Variants in DNAH11 observed in about 807,000 individuals in gnomAD.
DNAH11 encodes dynein axonemal heavy chain 11.
In DNAH11, 442 loss-of-function variants were observed where a neutral mutation model predicts 526.0. The observed-to-expected ratio is 0.84, with a 90% CI of 0.78 to 0.91. The LOEUF (loss-of-function observed/expected upper bound fraction) is 0.91, where lower values mean the gene tolerates loss of function less well. Ranked by LOEUF, DNAH11 falls within the 40% of genes least tolerant of loss-of-function variation. The pLI is 0.00. For missense variants in DNAH11, 6,989 were observed against 5,448.7 expected, an observed-to-expected ratio of 1.28 and a Z score of -8.90; for synonymous variants, 2,461 against 1,935.9, an observed-to-expected ratio of 1.27 and a Z score of -7.12.
intron 73 of DNAH11, among the ~76,000 whole-genome samples, chr7:21,872,232 G>A (rs1380107170): frequency 6.6e-6 from 1 of 151,338 alleles, no homozygotes; most frequent in African/African-American, 2.4e-5. Context: ...GATGCTGGGG[G>A]TTAAGACTTC....
chr7:21,898,915 C>T (rs1050816908), intron 79 of DNAH11, among the ~76,000 whole-genome samples: 4 of 152,318 alleles, frequency 2.6e-5, no homozygotes, highest in Middle Eastern at 3.4e-3. Context: ...TCAGATTTCC[C>T]GGCAACTCTG....
intron 73 of DNAH11, among the ~76,000 whole-genome samples, chr7:21,871,060 A>G (rs566024767): frequency 1.2e-4 from 18 of 152,246 alleles, no homozygotes; most frequent in African/African-American, 4.1e-4. Context: ...TATGATATGT[A>G]TGTACATGTT....
At chr7:21,681,864 A>T in intron 31 of DNAH11, 187 bp downstream of exon 31, 1 of 751,078 alleles carries the variant, frequency 1.3e-6, no homozygotes, top group South Asian at 1.5e-5. Context: ...GATGAGACCT[A>T]TTCCAAGTGA....
intron 66 of DNAH11, among the ~76,000 whole-genome samples, chr7:21,845,526 T>C (rs376312147): frequency 6.6e-6 from 1 of 152,222 alleles, no homozygotes; most frequent in African/African-American, 2.4e-5. Context: ...ATATTTCATA[T>C]GAATAGATCA....
intron 7 of DNAH11, chr7:21,570,586 A>G: frequency 4.3e-6 from 1 of 233,712 alleles, no homozygotes; most frequent in Non-Finnish European, 8.2e-6. Context: ...TCTGAGAGAG[A>G]GTTGTAAGTC....
intron 54 of DNAH11, among the ~76,000 whole-genome samples, chr7:21,753,666 G>C (rs562619585): frequency 1.3e-5 from 2 of 152,038 alleles, no homozygotes; most frequent in East Asian, 1.9e-4. Flanking sequence ...TAAATTCTCT[G>C]TTCTCTTTTC....
Position 21,639,046 on chromosome 7 carries a change from A to G in DNAH11, c.4925A>G (p.Lys1642Arg). 1 of 1,613,444 alleles carries G rather than the reference A, an allele frequency of 6.2e-7. No homozygotes were observed. The highest frequency in any genetic ancestry group is 1.1e-5 in the South Asian group (1 of 90,926). The change falls in exon 28 of 82, where the codon AAA (lysine) becomes AGA (arginine). Residue 1642 changes from lysine to arginine, a missense_variant. Coordinates refer to ENST00000409508, the MANE Select transcript of DNAH11 (RefSeq NM_001277115.2). Reference sequence around the variant, plus strand: ...GCTGATTTACTTGACATTCTCTCAAAAGGAGCTCAGCCTAAACAGGTAATA... The same window carrying G: ...GCTGATTTACTTGACATTCTCTCAAGAGGAGCTCAGCCTAAACAGGTAATA... Reference protein sequence around the residue: ...SSADLLDILSKGAQPKQVTCH... With the variant: ...SSADLLDILSRGAQPKQVTCH...
chr7:21,582,868 T>G (rs1374115734), intron 9 of DNAH11, among the ~76,000 whole-genome samples: 1 of 152,152 alleles, frequency 6.6e-6, no homozygotes, highest in Admixed American at 6.6e-5. Context: ...TTAAAAGATA[T>G]TGTTTGATTT....
intron 25 of DNAH11, among the ~76,000 whole-genome samples, chr7:21,635,648 A>G (rs1013486617): frequency 6.6e-6 from 1 of 152,152 alleles, no homozygotes; most frequent in Non-Finnish European, 1.5e-5. Flanking sequence ...ACAGTTGCAT[A>G]TATTTATCTT....
rs545177750 is a variant in DNAH11 at position 21,563,167 on chromosome 7, A to T, written c.983-1019A>T. On this transcript the variant is annotated intron_variant, in intron 5 of 81. Coordinates refer to ENST00000409508, the MANE Select transcript of DNAH11 (RefSeq NM_001277115.2). ...TCATTAATGAGAGTTAAATATTTAA[A>T]TTTTTTTTCATATCTATAGCATTTT... 3.9e-5 allele frequency among the ~76,000 whole-genome samples: 6 copies of T among 151,910 alleles called. No individual in the cohort carries two copies. The East Asian group carries it at 5.8e-4, about 15-fold the overall frequency.
chr7:21,796,114 G>T (rs1788705881), intron 61 of DNAH11, among the ~76,000 whole-genome samples: 1 of 152,192 alleles, frequency 6.6e-6, no homozygotes, highest in African/African-American at 2.4e-5. Context: ...TTGTCCTATA[G>T]GCCAGAATAT....
chr7:21,746,954 A>G (rs1178442412), intron 51 of DNAH11, among the ~76,000 whole-genome samples: 1 of 152,230 alleles, frequency 6.6e-6, no homozygotes, highest in Non-Finnish European at 1.5e-5. Context: ...GAGTTTTCCC[A>G]TATAATCCCT....
rs778429337 is a variant in DNAH11 at position 21,885,171 on chromosome 7, TA to T, written c.12507+778del. On this transcript the variant is annotated intron_variant, in intron 76 of 81. Coordinates refer to ENST00000409508, the MANE Select transcript of DNAH11 (RefSeq NM_001277115.2). ...TTTGGATCTTGTTCCAAATGAACTA[TA>T]AAAAAAAAAAAAAAAACACACACAT... Among the ~76,000 whole-genome samples, 311 of 114,582 alleles carry T rather than the reference TA, an allele frequency of 2.7e-3. 6 individuals carry two copies. The highest frequency in any genetic ancestry group is 7.2e-3 in the African/African-American group (209 of 29,004). The allele number at this position is 114,582 out of a possible 152,430, so 75.2% of individuals were successfully genotyped here.
At chr7:21,557,915 G>C (rs1783283913) in intron 2 of DNAH11, among the ~76,000 whole-genome samples, 1 of 152,144 alleles carries the variant, frequency 6.6e-6, no homozygotes, top group Non-Finnish European at 1.5e-5. Flanking sequence ...TTACTAGCTT[G>C]ACATGTAATG....
At chr7:21,670,806 A>T (rs1782614351) in intron 30 of DNAH11, among the ~76,000 whole-genome samples, 1 of 152,078 alleles carries the variant, frequency 6.6e-6, no homozygotes, top group South Asian at 2.1e-4. Context: ...TTCGAAAGTT[A>T]CGCCAACTTT....
chr7:21,854,336 G>C lies in DNAH11; in HGVS notation c.11083G>C (p.Glu3695Gln). ...ATAGGTGATTGAAGCCAAAGAAAAT[G>C]AAAGAAAAATCAACGAGGCCCGAGA... Reference protein sequence around the residue: ...EHKVIEAKENERKINEARECY... With the variant: ...EHKVIEAKENQRKINEARECY... The change falls in exon 68 of 82, where the codon GAA (glutamate) becomes CAA (glutamine). Residue 3695 changes from glutamate to glutamine, a missense_variant. Transcript: ENST00000409508. The C allele has an allele frequency of 1.2e-6, 2 of 1,613,636 alleles. No individual in the cohort carries two copies. The highest frequency in any genetic ancestry group is 2.2e-5 in the South Asian group (2 of 91,028).
At chr7:21,585,117 G>T (rs1784439973) in intron 9 of DNAH11, among the ~76,000 whole-genome samples, 1 of 151,936 alleles carries the variant, frequency 6.6e-6, no homozygotes, top group Non-Finnish European at 1.5e-5. Flanking sequence ...TAACTTTTCA[G>T]ATATTTGACC....
chr7:21,555,376 T>C (rs1044448283), intron 2 of DNAH11, among the ~76,000 whole-genome samples: 2 of 152,202 alleles, frequency 1.3e-5, no homozygotes, highest in African/African-American at 4.8e-5. Flanking sequence ...AGAGGGAGTC[T>C]CTTTGGCTCC....
At chr7:21,644,004 G>A (rs544789429) in intron 28 of DNAH11, among the ~76,000 whole-genome samples, 1 of 152,112 alleles carries the variant, frequency 6.6e-6, no homozygotes, top group South Asian at 2.1e-4. Context: ...CATATACTCA[G>A]GAATGCTTAA....
Sources: allele counts gnomAD v4.1 joint callset (sites outside exome capture counted in the v4.1 genomes callset), GRCh38; gene constraint gnomAD v4.1.1; transcripts MANE v1.5; gene names NCBI Gene and HGNC (gene_info 2026-07-23, HGNC 2026-07-21).